FKBP1B: variants seen among roughly 807,000 people sequenced by gnomAD.
The protein encoded by FKBP1B is peptidyl-prolyl cis-trans isomerase FKBP1B.
In FKBP1B, 4 loss-of-function variants were observed where a neutral mutation model predicts 13.5. That is an observed-to-expected ratio of 0.30 (90% CI 0.15 to 0.68). FKBP1B has a LOEUF of 0.68. Ranked by LOEUF, FKBP1B falls within the 30% of genes least tolerant of loss-of-function variation. The pLI, the probability that FKBP1B is intolerant of heterozygous loss-of-function variation, is 0.76. For synonymous variants in FKBP1B, 54 were observed against 53.6 expected, an observed-to-expected ratio of 1.01 and a Z score of -0.03; for missense variants, 93 against 136.2, an observed-to-expected ratio of 0.68 and a Z score of 1.58.
intron 2 of FKBP1B, among the ~76,000 whole-genome samples, chr2:24,059,375 G>A (rs544781999): frequency 1.3e-5 from 2 of 149,406 alleles, no homozygotes; most frequent in Non-Finnish European, 2.9e-5. Context: ...CAGCACCTGG[G>A]GGGGGGTTCT....
chr2:24,034,926 T>C, the FKBP1B span, among the ~76,000 whole-genome samples: 1 of 151,944 alleles, frequency 6.6e-6, no homozygotes, highest in Admixed American at 6.5e-5. Flanking sequence ...TTTACATTTA[T>C]AAGTGTTTTA....
At chr2:24,042,518 A>T in the FKBP1B span, among the ~76,000 whole-genome samples, 1 of 142,060 alleles carries the variant, frequency 7.0e-6, no homozygotes, top group Non-Finnish European at 1.5e-5. Flanking sequence ...CCTGGGTGAC[A>T]GAGCAATACT....
the FKBP1B span, among the ~76,000 whole-genome samples, chr2:24,037,343 G>A: frequency 6.6e-6 from 1 of 152,292 alleles, no homozygotes; most frequent in East Asian, 1.9e-4. Context: ...TTTTATAACT[G>A]GAGGAGTATC....
chr2:24,035,446 A>G, the FKBP1B span, among the ~76,000 whole-genome samples: 8 of 152,288 alleles, frequency 5.3e-5, 1 homozygote, highest in South Asian at 1.7e-3. Flanking sequence ...TAGGGTAGGA[A>G]TAAGAGTTCT....
upstream of FKBP1B, among the ~76,000 whole-genome samples, chr2:24,046,535 A>G (rs900391473): frequency 6.6e-6 from 1 of 152,208 alleles, no homozygotes; most frequent in Non-Finnish European, 1.5e-5. Context: ...GTATATAACC[A>G]TTTAATTCTG....
upstream of FKBP1B, among the ~76,000 whole-genome samples, chr2:24,045,513 A>G (rs1415445735): frequency 1.3e-5 from 2 of 151,318 alleles, no homozygotes. Context: ...CAGCAGGAGA[A>G]TCGCTTGAAC....
upstream of FKBP1B, among the ~76,000 whole-genome samples, chr2:24,049,348 G>A (rs995373907): frequency 1.3e-5 from 2 of 152,132 alleles, 1 homozygote; most frequent in Admixed American, 1.3e-4. Context: ...CAGCCTGGGC[G>A]ACAGAGCAAG....
At position 24,063,112 on chromosome 2, in the gene FKBP1B, T is replaced by C. The variant is rs753875371; in HGVS notation, c.247T>C (p.Tyr83His). 1.2e-6 allele frequency: 2 copies of C among 1,614,028 alleles called. No individual in the cohort carries two copies. The highest frequency in any genetic ancestry group is 1.7e-6 in the Non-Finnish European group (2 of 1,179,944). Residue 83 changes from tyrosine to histidine, a missense_variant, in exon 4 of 4, where the codon TAT becomes CAT. Coordinates refer to ENST00000380986, the MANE Select transcript of FKBP1B (RefSeq NM_004116.5). The part of the protein sequence containing the change: ...AKLTCTPDVA[Y>H]GATGHPGVIP... ...GCTGACCTGCACCCCTGATGTGGCA[T>C]ATGGAGCCACGGGCCACCCCGGTGT...
chr2:24,035,716 A>T, the FKBP1B span, among the ~76,000 whole-genome samples: 1 of 151,292 alleles, frequency 6.6e-6, no homozygotes, highest in Non-Finnish European at 1.5e-5. Flanking sequence ...GGACTTCCAA[A>T]CAAGCCTGGG....
the FKBP1B span, chr2:24,037,994 T>G: frequency 6.2e-7 from 1 of 1,614,074 alleles, no homozygotes; most frequent in East Asian, 2.2e-5. Flanking sequence ...GACAGAGGAC[T>G]CTGGATTTCT....
At chr2:24,056,486 G>A (rs190970435) in intron 2 of FKBP1B, among the ~76,000 whole-genome samples, 18 of 152,016 alleles carry the variant, frequency 1.2e-4, no homozygotes, top group African/African-American at 4.1e-4. Context: ...TGGGATTACA[G>A]GTGCGCACCA....
intron 2 of FKBP1B, among the ~76,000 whole-genome samples, chr2:24,055,303 C>T (rs1465031608): frequency 3.3e-5 from 5 of 151,648 alleles, no homozygotes; most frequent in African/African-American, 1.2e-4. Flanking sequence ...CTCGACCTCT[C>T]GGGCTCAAGT....
the FKBP1B span, among the ~76,000 whole-genome samples, chr2:24,040,601 A>G: frequency 2.0e-5 from 3 of 152,236 alleles, no homozygotes; most frequent in Non-Finnish European, 2.9e-5. Context: ...ACATTTTCAC[A>G]TTCCCTATTG....
intron 3 of FKBP1B, among the ~76,000 whole-genome samples, chr2:24,062,495 TAG>T (rs1664439623): frequency 6.6e-6 from 1 of 152,090 alleles, no homozygotes; most frequent in Admixed American, 6.6e-5. Context: ...TATTTTTTAG[TAG>T]AGACAGGGTT....
intron 1 of FKBP1B, among the ~76,000 whole-genome samples, chr2:24,051,198 G>T (rs1331523528): frequency 6.6e-6 from 1 of 152,128 alleles, no homozygotes; most frequent in African/African-American, 2.4e-5. Context: ...GCTGGGCATG[G>T]TGGTACGCAC....
At chr2:24,035,616 A>T in the FKBP1B span, among the ~76,000 whole-genome samples, 235 of 152,182 alleles carry the variant, frequency 1.5e-3, no homozygotes, top group African/African-American at 5.4e-3. Context: ...AAATAATTTT[A>T]AAAAAATCAA....
chr2:24,049,628 C>T, upstream of FKBP1B: 2 of 371,696 alleles, frequency 5.4e-6, no homozygotes, highest in Non-Finnish European at 9.6e-6. Context: ...GTCCCTTCCC[C>T]CGGGCCCCGC....
In FKBP1B at chr2:24,050,529, C is replaced by A. The variant is rs147583885; in HGVS notation, c.37+643C>A. On this transcript the variant is annotated intron_variant, in intron 1 of 3. Coordinates refer to ENST00000380986, the MANE Select transcript of FKBP1B (RefSeq NM_004116.5). This position sits in a 1 kb window ranked among gnomAD's most constrained non-coding sequence, Gnocchi z 5.8. ...CCAGCCCTGCGACCTACGGCCGAAC[C>A]TCTCCCTGGACGTCCCAGGGTGCTC... Among the ~76,000 whole-genome samples, 192 of 152,262 alleles carry A rather than the reference C, an allele frequency of 1.3e-3. 1 individual carries two copies. Among genetic ancestry groups the A allele is most frequent in the African/African-American group, 4.5e-3 (185 of 41,558 alleles).
upstream of FKBP1B, among the ~76,000 whole-genome samples, chr2:24,047,656 T>C (rs187384276): frequency 2.6e-5 from 4 of 152,268 alleles, no homozygotes; most frequent in East Asian, 5.8e-4. Context: ...GCACTTGAGC[T>C]CTTTCCCCAC....
Sources: gnomAD v4.1 joint callset for allele counts (sites outside exome capture counted in the v4.1 genomes callset) on GRCh38, gnomAD v4.1.1 for gene constraint, Gnocchi (gnomAD v3.1) non-coding constraint, MANE v1.5 for transcripts, NCBI Gene and HGNC (gene_info 2026-07-23, HGNC 2026-07-21) for gene names.